PLEKHM1: variants seen among roughly 807,000 people sequenced by gnomAD.
PLEKHM1 encodes pleckstrin homology domain-containing family M member 1.
PLEKHM1 carries 28 observed loss-of-function variants against 94.3 expected under a neutral mutation model. That is an observed-to-expected ratio of 0.30 (90% CI 0.22 to 0.41). The LOEUF (loss-of-function observed/expected upper bound fraction) is 0.41, where lower values mean the gene tolerates loss of function less well. PLEKHM1 is among the 10% of genes least tolerant of loss of function. The pLI, the probability that PLEKHM1 is intolerant of heterozygous loss-of-function variation, is 1.00. For missense variants in PLEKHM1, 907 were observed against 1,358.6 expected, an observed-to-expected ratio of 0.67 and a Z score of 5.22; for synonymous variants, 424 against 581.2, an observed-to-expected ratio of 0.73 and a Z score of 3.89.
chr17:45,459,077 G>A (rs547844160), intron 5 of PLEKHM1, among the ~76,000 whole-genome samples: 2 of 152,158 alleles, frequency 1.3e-5, no homozygotes, highest in South Asian at 2.1e-4. Flanking sequence ...GCAGTGAGCC[G>A]TGATCACGCC....
intron 1 of PLEKHM1, among the ~76,000 whole-genome samples, chr17:45,483,410 G>C (rs2052015914): frequency 6.9e-6 from 1 of 145,178 alleles, no homozygotes; most frequent in Non-Finnish European, 1.5e-5. Flanking sequence ...CTTCCTCCTG[G>C]AAGTGGGTGG....
At chr17:45,441,873 A>G (rs773660001) in intron 9 of PLEKHM1, among the ~76,000 whole-genome samples, 4 of 152,114 alleles carry the variant, frequency 2.6e-5, no homozygotes, top group South Asian at 4.1e-4. Flanking sequence ...AGGAATCTGG[A>G]CGGCTCTCCG....
chr17:45,470,907 C>A (rs992557984), intron 4 of PLEKHM1, among the ~76,000 whole-genome samples: 2 of 151,874 alleles, frequency 1.3e-5, no homozygotes, highest in African/African-American at 4.8e-5. Flanking sequence ...ACCTCGTGAT[C>A]CGCCTGCTTT....
At position 45,468,351 on chromosome 17, in the gene PLEKHM1, G is replaced by T. The variant is rs376513614; in HGVS notation, c.1166C>A (p.Pro389His). ...QAPSPLDLQQ[P>H]VESTSGQQPS... ...CTGCTGGCCTGAGGTGCTCTCTACA[G>T]GCTGCTGTAAGTCCAGGGGGCTGGG... is the stretch of plus-strand genomic sequence containing the variant. Residue 389 changes from proline to histidine, a missense_variant, in exon 5 of 12, where the codon CCT becomes CAT. Coordinates refer to ENST00000430334, the MANE Select transcript of PLEKHM1 (RefSeq NM_014798.3). 4 of 1,613,976 alleles carry T rather than the reference G, an allele frequency of 2.5e-6. No homozygotes were observed. In the African/African-American group the frequency reaches 4.0e-5, roughly 16 times the overall value.
In PLEKHM1 at chr17:45,444,790, G is replaced by T. The variant is rs1410504820; in HGVS notation, c.2837+680C>A. Among the ~76,000 whole-genome samples the T allele has an allele frequency of 6.6e-6, 1 of 152,052 alleles. No individual in the cohort carries two copies. The highest frequency in any genetic ancestry group is 1.5e-5 in the Non-Finnish European group (1 of 67,996). On this transcript the variant is annotated intron_variant, in intron 9 of 11. Transcript: ENST00000430334. The surrounding 1 kb of genome is among the most constrained non-coding windows in gnomAD (Gnocchi z 5.0). ...CCTTATAAGTCACTTCCTCCAGGAA[G>T]TCCTTCCTGCTTTGTCCTCCTCTGA...
intron 4 of PLEKHM1, 138 bp downstream of exon 4, chr17:45,474,962 C>T (rs1348320821): frequency 3.8e-5 from 33 of 867,910 alleles, no homozygotes; most frequent in South Asian, 1.9e-4. Context: ...CTGGAGAAGT[C>T]GATGACTCCC....
intron 11 of PLEKHM1, among the ~76,000 whole-genome samples, chr17:45,439,012 T>C (rs540187180): frequency 1.3e-5 from 2 of 152,346 alleles, no homozygotes; most frequent in African/African-American, 4.8e-5. Context: ...ATTGAGAGGT[T>C]GCGGATAATG....
intron 4 of PLEKHM1, among the ~76,000 whole-genome samples, chr17:45,469,765 T>C (rs2051435284): frequency 6.6e-6 from 1 of 152,168 alleles, no homozygotes; most frequent in African/African-American, 2.4e-5. Context: ...AGGTGGCCAA[T>C]CCATACATGT....
intron 5 of PLEKHM1, among the ~76,000 whole-genome samples, chr17:45,465,353 C>T (rs890743905): frequency 2.0e-5 from 3 of 151,706 alleles, no homozygotes; most frequent in Non-Finnish European, 4.4e-5. Flanking sequence ...TACGGGGGTC[C>T]GGTCAGGGAA....
At position 45,445,541 on chromosome 17, in the gene PLEKHM1, C is replaced by T. The variant is rs1280853739; in HGVS notation, c.2766G>A (p.Arg922=). ...VERMHLIGRR[R]EQLKLLGDYL... ...AATCCCCCAGGAGCTTCAGCTGCTCCCGTCTCCTCCCAATGAGGTGCATCC... is the reference window on the plus strand; with the variant it reads ...AATCCCCCAGGAGCTTCAGCTGCTCTCGTCTCCTCCCAATGAGGTGCATCC... Residue 922 remains arginine (R), a synonymous_variant, in exon 9 of 12, where the codon CGG becomes CGA. Coordinates refer to ENST00000430334, the MANE Select transcript of PLEKHM1 (RefSeq NM_014798.3). The surrounding 1 kb of genome is among the most constrained non-coding windows in gnomAD (Gnocchi z 4.2). 6.8e-6 allele frequency: 11 copies of T among 1,613,752 alleles called. No individual in the cohort carries two copies. Among genetic ancestry groups the T allele is most frequent in the Non-Finnish European group, 7.6e-6 (9 of 1,179,874 alleles).
intron 5 of PLEKHM1, among the ~76,000 whole-genome samples, chr17:45,467,558 C>A (rs956475975): frequency 6.6e-6 from 1 of 152,112 alleles, no homozygotes; most frequent in African/African-American, 2.4e-5. Context: ...GCAAGAAGAT[C>A]GAGACCAGCC....
intron 8 of PLEKHM1, chr17:45,446,066 G>C: frequency 3.3e-6 from 1 of 305,614 alleles, no homozygotes. Context: ...CCTGACTCAG[G>C]AACCAGGTGA....
intron 1 of PLEKHM1, among the ~76,000 whole-genome samples, chr17:45,488,606 A>G (rs2145372085): frequency 6.6e-6 from 1 of 152,236 alleles, no homozygotes; most frequent in South Asian, 2.1e-4. Flanking sequence ...GAATACGACT[A>G]TAAGTGGCAA....
At chr17:45,477,659 A>C in intron 3 of PLEKHM1, 1 of 563,904 alleles carries the variant, frequency 1.8e-6, no homozygotes, top group South Asian at 2.0e-5. Context: ...GACCAGTCTC[A>C]AAGCAGCCAC....
Position 45,445,038 on chromosome 17 carries a change from C to T in PLEKHM1, c.2837+432G>A, listed in dbSNP as rs1476462170. Among the ~76,000 whole-genome samples the T allele has an allele frequency of 2.0e-5, 3 of 152,254 alleles. No homozygotes were observed. Among genetic ancestry groups the T allele is most frequent in the Non-Finnish European group, 4.4e-5 (3 of 68,052 alleles). On this transcript the variant is annotated intron_variant, in intron 9 of 11. Transcript: ENST00000430334. This position sits in a 1 kb window ranked among gnomAD's most constrained non-coding sequence, Gnocchi z 4.2. ...GGCCAGAGACTTCCGGCGGGTCGGC[C>T]CTGGCTCTGTCCTGCTCATTGTTGG...
At chr17:45,486,204 G>T (rs2052113739) in intron 1 of PLEKHM1, among the ~76,000 whole-genome samples, 1 of 141,686 alleles carries the variant, frequency 7.1e-6, no homozygotes, top group African/African-American at 2.6e-5. Flanking sequence ...GCGACAGAGA[G>T]AGACTCCGTC....
chr17:45,473,620 A>G (rs912113247), intron 4 of PLEKHM1, among the ~76,000 whole-genome samples: 10 of 150,484 alleles, frequency 6.6e-5, no homozygotes, highest in South Asian at 6.3e-4. Context: ...GTGCAGTGGC[A>G]CGATCTCGGC....
chr17:45,478,083 G>A lies in PLEKHM1; in HGVS notation c.113C>T (p.Thr38Met), dbSNP rs2868646. 2.3e-5 allele frequency: 37 copies of A among 1,614,044 alleles called. No individual in the cohort carries two copies. Among genetic ancestry groups the A allele is most frequent in the African/African-American group, 1.7e-4 (13 of 74,924 alleles). The change falls in exon 3 of 12, where the codon ACG (threonine) becomes ATG (methionine). Residue 38 changes from threonine to methionine, a missense_variant. By Grantham distance (81) the Thr-to-Met change is moderately conservative. Coordinates refer to ENST00000430334, the MANE Select transcript of PLEKHM1 (RefSeq NM_014798.3). ...ATCTCCGTCTTCACTAGTGACCACCGTGTCCAGGGACACGTACTGCTTCTG... is the reference window on the plus strand; with the variant it reads ...ATCTCCGTCTTCACTAGTGACCACCATGTCCAGGGACACGTACTGCTTCTG... ...ALQKQYVSLD[T>M]VVTSEDGDAN...
At chr17:45,484,046 A>G (rs2052037022) in intron 1 of PLEKHM1, among the ~76,000 whole-genome samples, 1 of 152,238 alleles carries the variant, frequency 6.6e-6, no homozygotes, top group Non-Finnish European at 1.5e-5. Context: ...CTTAGACACA[A>G]CTGACCAGCA....
Sources: allele counts gnomAD v4.1 joint callset (sites outside exome capture counted in the v4.1 genomes callset), GRCh38; gene constraint gnomAD v4.1.1; non-coding constraint Gnocchi (gnomAD v3.1); transcripts MANE v1.5; gene names NCBI Gene and HGNC (gene_info 2026-07-23, HGNC 2026-07-21).